HEPHL1: variants seen among roughly 807,000 people sequenced by gnomAD.
HEPHL1 encodes hephaestin like 1.
A neutral mutation model predicts 122.0 loss-of-function variants in HEPHL1; 123 were observed. The observed-to-expected ratio is 1.01, with a 90% CI of 0.87 to 1.17. The LOEUF is 1.17. Ranked by LOEUF, HEPHL1 falls within the 50% of genes most tolerant of loss-of-function variation. The probability of loss-of-function intolerance (pLI) is 0.00; values close to 1 mark genes in which losing one functional copy is unlikely to be tolerated. For missense variants in HEPHL1, 1,452 were observed against 1,430.5 expected (o/e 1.01, Z -0.24); for synonymous variants, 527 against 508.9 (o/e 1.04, Z -0.48).
At chr11:94,105,505 C>A (rs865896545) in intron 16 of HEPHL1, among the ~76,000 whole-genome samples, 17 of 152,270 alleles carry the variant, frequency 1.1e-4, no homozygotes, top group Admixed American at 2.0e-4. Context: ...TTGCTTTGGT[C>A]ATTGTTAGGT....
intron 17 of HEPHL1, 112 bp from the exon 18 acceptor site, chr11:94,110,791 A>G: frequency 1.3e-6 from 1 of 744,986 alleles, no homozygotes; most frequent in Non-Finnish European, 2.1e-6. Context: ...GCTCTTTCTT[A>G]TGTCCTTCCT....
chr11:94,093,971 G>GATATAGATATATATATAT (rs1946284477), intron 13 of HEPHL1, among the ~76,000 whole-genome samples: 1 of 72,746 alleles, frequency 1.4e-5, no homozygotes, highest in Non-Finnish European at 2.8e-5. Flanking sequence ...TCCTCCAGCA[G>GATATAGATATATATATAT]ATATATATAT....
At chr11:94,045,511 A>G (rs1157299903) in intron 1 of HEPHL1, among the ~76,000 whole-genome samples, 162 bp from the exon 2 acceptor site, 1 of 152,220 alleles carries the variant, frequency 6.6e-6, no homozygotes, top group Non-Finnish European at 1.5e-5. Flanking sequence ...TCATTTCCAC[A>G]TTAGTAAATT....
At chr11:94,109,682 G>C (rs1194822487) in intron 17 of HEPHL1, among the ~76,000 whole-genome samples, 1 of 152,080 alleles carries the variant, frequency 6.6e-6, no homozygotes, top group Non-Finnish European at 1.5e-5. Flanking sequence ...TCATTCCCAG[G>C]ATAAACCTTA....
intron 6 of HEPHL1, 84 bp downstream of exon 6, chr11:94,070,626 A>G (rs774672504): frequency 2.6e-6 from 3 of 1,155,694 alleles, no homozygotes; most frequent in Non-Finnish European, 2.5e-6. Context: ...TTGTATTCCA[A>G]CCACTGCTCT....
Position 94,106,127 on chromosome 11 carries a change from C to T in HEPHL1, c.3042C>T (p.Phe1014=), listed in dbSNP as rs1178585435. 5 of 1,552,970 alleles carry T rather than the reference C, an allele frequency of 3.2e-6. No homozygotes were observed. The highest frequency in any genetic ancestry group is 4.4e-6 in the Non-Finnish European group (5 of 1,141,880). The change falls in exon 17 of 20, where the codon TTC becomes TTT. Residue 1014 remains phenylalanine (F), a synonymous_variant. Transcript: ENST00000315765. ...TIHYHAESFL[F]KIDKSYREDV... Reference sequence around the variant, plus strand: ...ATTATCATGCTGAGAGCTTTCTTTTCAAAGTAAGTATAAGGAAAGTGCTTT... The same window carrying T: ...ATTATCATGCTGAGAGCTTTCTTTTTAAAGTAAGTATAAGGAAAGTGCTTT...
chr11:94,024,025 A>G (rs1212714691), intron 1 of HEPHL1, among the ~76,000 whole-genome samples: 1 of 152,172 alleles, frequency 6.6e-6, no homozygotes, highest in Non-Finnish European at 1.5e-5. Context: ...GTGTTGTGCC[A>G]TTTCCCCAGG....
At chr11:94,083,477 A>C (rs1439290011) in intron 10 of HEPHL1, among the ~76,000 whole-genome samples, 2 of 152,238 alleles carry the variant, frequency 1.3e-5, no homozygotes, top group African/African-American at 4.8e-5. Flanking sequence ...GAGAGTCCAA[A>C]CTCAATGCCT....
chr11:94,062,849 G>A (rs1022170457), intron 2 of HEPHL1, among the ~76,000 whole-genome samples: 2 of 152,082 alleles, frequency 1.3e-5, no homozygotes, highest in African/African-American at 4.8e-5. Flanking sequence ...AGAGAGTAAG[G>A]GGCTGTTCTG....
intron 1 of HEPHL1, among the ~76,000 whole-genome samples, chr11:94,024,284 A>G (rs1282050915): frequency 2.0e-5 from 3 of 152,224 alleles, no homozygotes; most frequent in East Asian, 3.9e-4. Flanking sequence ...AATCTTGAAC[A>G]TGTCATATAA....
At chr11:94,060,367 T>C (rs1008169186) in intron 2 of HEPHL1, among the ~76,000 whole-genome samples, 1 of 151,852 alleles carries the variant, frequency 6.6e-6, no homozygotes, top group Non-Finnish European at 1.5e-5. Context: ...TGTGTATATA[T>C]ACACTTACAT....
chr11:94,034,294 G>T (rs1475590104), intron 1 of HEPHL1, among the ~76,000 whole-genome samples: 1 of 152,128 alleles, frequency 6.6e-6, no homozygotes, highest in African/African-American at 2.4e-5. Context: ...TGGATTCCAG[G>T]CTGCTCAATA....
At chr11:94,064,792 G>C (rs1358030299) in intron 4 of HEPHL1, among the ~76,000 whole-genome samples, 1 of 152,154 alleles carries the variant, frequency 6.6e-6, no homozygotes, top group South Asian at 2.1e-4. Context: ...AATTGGAAAA[G>C]AATCGGTGCC....
intron 1 of HEPHL1, among the ~76,000 whole-genome samples, chr11:94,027,079 A>AC: frequency 6.6e-6 from 1 of 151,784 alleles, no homozygotes; most frequent in South Asian, 2.1e-4. Flanking sequence ...CCATTCCTTG[A>AC]CTCTTCCAGG....
At chr11:94,090,371 G>T (rs1946256046) in intron 12 of HEPHL1, among the ~76,000 whole-genome samples, 1 of 152,184 alleles carries the variant, frequency 6.6e-6, no homozygotes, top group South Asian at 2.1e-4. Context: ...GCCCATGAAT[G>T]TATAAAAATA....
Position 94,058,710 on chromosome 11 carries a change from T to A in HEPHL1, c.416-4798T>A, listed in dbSNP as rs533328526. On this transcript the variant is annotated intron_variant, in intron 2 of 19. Coordinates refer to ENST00000315765, the MANE Select transcript of HEPHL1 (RefSeq NM_001098672.2). Reference sequence around the variant, plus strand: ...CTATTTAAAAATAAATTTTATTGTTTTTTAAATTTTATTTTTATTTTATTT... The same window carrying A: ...CTATTTAAAAATAAATTTTATTGTTATTTAAATTTTATTTTTATTTTATTT... Among the ~76,000 whole-genome samples the A allele has an allele frequency of 2.6e-5, 4 of 152,208 alleles. No homozygotes were observed. The South Asian group carries it at 8.3e-4, about 32-fold the overall frequency.
intron 11 of HEPHL1, 39 bp from the exon 12 acceptor site, chr11:94,088,715 AC>A (rs1337143059): frequency 1.3e-6 from 2 of 1,502,356 alleles, no homozygotes; most frequent in Non-Finnish European, 1.8e-6. Flanking sequence ...CAACAAAAAT[AC>A]CGAGCACCAC....
At chr11:94,038,816 C>T (rs1201769099) in intron 1 of HEPHL1, among the ~76,000 whole-genome samples, 3 of 143,524 alleles carry the variant, frequency 2.1e-5, no homozygotes, top group East Asian at 2.1e-4. Flanking sequence ...CATCAACTAA[C>T]GAGCAAAATA....
chr11:94,030,192 C>A (rs567795979), intron 1 of HEPHL1, among the ~76,000 whole-genome samples: 85 of 152,310 alleles, frequency 5.6e-4, no homozygotes, highest in Middle Eastern at 6.8e-3. Flanking sequence ...GATTCTGAAT[C>A]TAATCCTTGC....
Sources: allele counts gnomAD v4.1 joint callset (sites outside exome capture counted in the v4.1 genomes callset), GRCh38; gene constraint gnomAD v4.1.1; transcripts MANE v1.5; gene names NCBI Gene and HGNC (gene_info 2026-07-23, HGNC 2026-07-21).